Variants in LRMDA observed in about 807,000 individuals in gnomAD.
LRMDA encodes the protein leucine rich melanocyte differentiation associated.
In LRMDA, 18 loss-of-function variants were observed where a neutral mutation model predicts 29.8. The ratio of observed to expected loss-of-function variants is 0.60; its 90% CI spans 0.42 to 0.90. The LOEUF is 0.90. LRMDA is among the 40% of genes least tolerant of loss of function. LRMDA has a pLI of 0.00. For missense variants in LRMDA, 273 were observed against 273.9 expected (o/e 1.00, Z 0.02); for synonymous variants, 125 against 109.4 (o/e 1.14, Z -0.89).
chr10:76,458,376 T>A (rs755864797), intron 6 of LRMDA, among the ~76,000 whole-genome samples: 4 of 152,350 alleles, frequency 2.6e-5, no homozygotes, highest in Non-Finnish European at 2.9e-5. Context: ...TTTAGTTACA[T>A]GTAAACATTT....
chr10:76,545,563 C>G (rs568829852), intron 6 of LRMDA, among the ~76,000 whole-genome samples: 1 of 151,474 alleles, frequency 6.6e-6, no homozygotes, highest in Non-Finnish European at 1.5e-5. Context: ...TTCTTTTTTC[C>G]TGTTAATGTA....
intron 5 of LRMDA, among the ~76,000 whole-genome samples, chr10:76,219,851 G>A (rs1851797611): frequency 6.6e-6 from 1 of 152,040 alleles, no homozygotes; most frequent in Admixed American, 6.6e-5. Context: ...TTCCAAAATT[G>A]ACCACATAGT....
intron 2 of LRMDA, among the ~76,000 whole-genome samples, chr10:75,539,090 CTCT>C (rs1839986109): frequency 6.6e-6 from 1 of 152,184 alleles, no homozygotes; most frequent in Non-Finnish European, 1.5e-5. Flanking sequence ...AAAAAAACTT[CTCT>C]TCAATAGGAC....
At chr10:76,298,524 G>A (rs372040442) in intron 5 of LRMDA, among the ~76,000 whole-genome samples, 1 of 152,140 alleles carries the variant, frequency 6.6e-6, no homozygotes, top group African/African-American at 2.4e-5. Flanking sequence ...AATGAACTCT[G>A]ACTTAGAGAC....
intron 6 of LRMDA, among the ~76,000 whole-genome samples, chr10:76,554,874 TGTGTGTGTGTGTGTGTGTGTGTG>T (rs1454386027): frequency 8.4e-4 from 14 of 16,654 alleles, no homozygotes; most frequent in African/African-American, 1.2e-3. Context: ...GTGGGTGGTG[TGTGTGTGTGTGTGTGTGTGTGTG>T]GTGTGTGTGT....
At chr10:75,879,462 G>A (rs548463158) in intron 2 of LRMDA, among the ~76,000 whole-genome samples, 10 of 152,306 alleles carry the variant, frequency 6.6e-5, no homozygotes, top group South Asian at 4.2e-4. Flanking sequence ...GTCATTTACC[G>A]CCTCAGATTC....
intron 5 of LRMDA, among the ~76,000 whole-genome samples, chr10:76,291,932 G>A (rs1476130746): frequency 6.7e-6 from 1 of 148,478 alleles, no homozygotes; most frequent in East Asian, 2.0e-4. Context: ...ACACACACGT[G>A]CACACACACA....
At chr10:76,025,390 T>C (rs1159136550) in intron 2 of LRMDA, among the ~76,000 whole-genome samples, 1 of 151,026 alleles carries the variant, frequency 6.6e-6, no homozygotes, top group Non-Finnish European at 1.5e-5. Flanking sequence ...CAGAAAGGGC[T>C]TACTACAGCC....
chr10:75,851,130 A>G (rs1183423749), intron 2 of LRMDA, among the ~76,000 whole-genome samples: 1 of 152,216 alleles, frequency 6.6e-6, no homozygotes, highest in Admixed American at 6.5e-5. Flanking sequence ...GTGATCCATT[A>G]TCTTGTGTCT....
At chr10:75,582,072 A>T (rs868605350) in intron 2 of LRMDA, among the ~76,000 whole-genome samples, 1 of 148,330 alleles carries the variant, frequency 6.7e-6, no homozygotes, top group Non-Finnish European at 1.5e-5. Context: ...TCCCACAGCT[A>T]CTGGGGCTGG....
At chr10:75,853,532 A>G (rs1361007154) in intron 2 of LRMDA, among the ~76,000 whole-genome samples, 1 of 152,028 alleles carries the variant, frequency 6.6e-6, no homozygotes, top group Non-Finnish European at 1.5e-5. Context: ...AGTGGTGCAA[A>G]TTCTCATGTG....
intron 6 of LRMDA, 85 bp downstream of exon 6, chr10:76,324,570 C>T (rs907963520): frequency 3.8e-5 from 45 of 1,197,228 alleles, no homozygotes; most frequent in Admixed American, 5.5e-5. Flanking sequence ...ACTGCTGCCT[C>T]GGCACTTTAG....
At chr10:75,847,246 A>C (rs1844654407) in intron 2 of LRMDA, among the ~76,000 whole-genome samples, 1 of 152,228 alleles carries the variant, frequency 6.6e-6, no homozygotes, top group South Asian at 2.1e-4. Flanking sequence ...CCAAGACTTC[A>C]CCATGGGTAA....
intron 5 of LRMDA, among the ~76,000 whole-genome samples, chr10:76,305,936 T>C (rs1840550145): frequency 6.6e-6 from 1 of 152,202 alleles, no homozygotes; most frequent in African/African-American, 2.4e-5. Flanking sequence ...CTCAAATGAC[T>C]TTCCATCTAT....
At chr10:75,555,425 A>C (rs1384114982) in intron 2 of LRMDA, among the ~76,000 whole-genome samples, 3 of 152,164 alleles carry the variant, frequency 2.0e-5, no homozygotes, top group African/African-American at 7.2e-5. Context: ...GGGTCTCTGA[A>C]AGGAGTGAGC....
chr10:76,019,082 A>T (rs1009230132), intron 2 of LRMDA, among the ~76,000 whole-genome samples: 1 of 152,024 alleles, frequency 6.6e-6, no homozygotes, highest in African/African-American at 2.4e-5. Context: ...TGTCCCCTTT[A>T]TTCTAGGAAG....
intron 2 of LRMDA, among the ~76,000 whole-genome samples, chr10:75,864,874 C>G (rs1416318147): frequency 2.6e-5 from 4 of 152,120 alleles, no homozygotes; most frequent in Admixed American, 2.6e-4. Flanking sequence ...TTATGTACAG[C>G]TTGCCATTAT....
intron 6 of LRMDA, among the ~76,000 whole-genome samples, chr10:76,432,831 G>A (rs1039221743): frequency 5.9e-5 from 9 of 152,102 alleles, no homozygotes; most frequent in Admixed American, 2.6e-4. Flanking sequence ...TGGCTTCCAC[G>A]GGCCGAGGGC....
chr10:75,601,649 T>C (rs150859901), intron 2 of LRMDA, among the ~76,000 whole-genome samples: 194 of 152,320 alleles, frequency 1.3e-3, no homozygotes, highest in African/African-American at 4.4e-3. Flanking sequence ...ATTGGTAATT[T>C]GGTATTAAAT....
Sources: allele counts gnomAD v4.1 joint callset (sites outside exome capture counted in the v4.1 genomes callset), GRCh38; gene constraint gnomAD v4.1.1; transcripts MANE v1.5; gene names NCBI Gene and HGNC (gene_info 2026-07-23, HGNC 2026-07-21).